LIMS1: variants seen among roughly 807,000 people sequenced by gnomAD.
The protein encoded by LIMS1 is LIM and senescent cell antigen-like-containing domain protein 1.
A neutral mutation model predicts 44.1 loss-of-function variants in LIMS1; 18 were observed. The ratio of observed to expected loss-of-function variants is 0.41; its 90% CI spans 0.28 to 0.61. LIMS1 has a LOEUF of 0.61. LIMS1 is among the 20% of genes least tolerant of loss of function. The pLI is 0.32. For synonymous variants in LIMS1, 93 were observed against 149.1 expected, an observed-to-expected ratio of 0.62 and a Z score of 2.74; for missense variants, 201 against 422.0, an observed-to-expected ratio of 0.48 and a Z score of 4.59.
At chr2:108,657,907 T>C (rs1440355886) in intron 1 of LIMS1, 3 of 151,890 alleles carry the variant, frequency 2.0e-5, no homozygotes, top group Admixed American at 2.0e-4. Flanking sequence ...AAAGGGAAAG[T>C]TGTCTTCCAG....
intron 1 of LIMS1, among the ~76,000 whole-genome samples, chr2:108,579,688 A>G (rs1249579400): frequency 6.6e-6 from 1 of 152,262 alleles, no homozygotes; most frequent in African/African-American, 2.4e-5. Flanking sequence ...TTTGTTTGAC[A>G]GTATTCACAG....
At chr2:108,576,496 G>T (rs747777780) in intron 1 of LIMS1, among the ~76,000 whole-genome samples, 25 of 152,144 alleles carry the variant, frequency 1.6e-4, no homozygotes, top group Non-Finnish European at 2.9e-4. Context: ...TGCCTCCCGG[G>T]TTCAAGCGAT....
At chr2:108,604,021 T>G (rs999972017) in intron 1 of LIMS1, among the ~76,000 whole-genome samples, 3 of 152,146 alleles carry the variant, frequency 2.0e-5, no homozygotes, top group Non-Finnish European at 4.4e-5. Context: ...TAGGTTTTAG[T>G]ATGTTATGTT....
Position 108,566,295 on chromosome 2 carries a change from G to T in LIMS1, c.32+31701G>T, listed in dbSNP as rs143369836. Reference sequence around the variant, plus strand: ...AGTAAGGCTTTAATTCATGTAAGCTGCTTTGATGAGGGTGATGCATTGATG... The same window carrying T: ...AGTAAGGCTTTAATTCATGTAAGCTTCTTTGATGAGGGTGATGCATTGATG... On this transcript the variant is annotated intron_variant, in intron 1 of 9. Transcript: ENST00000544547. Among the ~76,000 whole-genome samples, 5 of 152,310 alleles carry T rather than the reference G, an allele frequency of 3.3e-5. No homozygotes were observed. In the East Asian group the frequency reaches 9.7e-4, roughly 29 times the overall value.
chr2:108,610,981 T>G (rs1480279816), intron 1 of LIMS1, among the ~76,000 whole-genome samples: 1 of 152,172 alleles, frequency 6.6e-6, no homozygotes, highest in African/African-American at 2.4e-5. Flanking sequence ...CATCATGTCT[T>G]TTTTCTATGC....
At chr2:108,649,471 C>T (rs890512119) in intron 1 of LIMS1, among the ~76,000 whole-genome samples, 3 of 152,184 alleles carry the variant, frequency 2.0e-5, no homozygotes, top group African/African-American at 4.8e-5. Context: ...AATCCCATTA[C>T]TGGGTATATA....
intron 1 of LIMS1, among the ~76,000 whole-genome samples, chr2:108,642,542 G>A (rs957579189): frequency 4.6e-5 from 7 of 151,580 alleles, no homozygotes; most frequent in East Asian, 1.9e-4. Context: ...TGTATTTTTC[G>A]TAGAGACGGG....
chr2:108,582,889 G>T (rs1045571818), intron 1 of LIMS1, among the ~76,000 whole-genome samples: 17 of 152,154 alleles, frequency 1.1e-4, no homozygotes, highest in African/African-American at 2.9e-4. Context: ...AATTTGCTTG[G>T]ACTTTATGCT....
At chr2:108,595,176 C>T (rs1472494433) in intron 1 of LIMS1, among the ~76,000 whole-genome samples, 3 of 152,168 alleles carry the variant, frequency 2.0e-5, no homozygotes, top group Non-Finnish European at 4.4e-5. Context: ...GTGGTGTTGA[C>T]TGCTAGATGC....
chr2:108,611,978 AATAT>A (rs1171045344), intron 1 of LIMS1, among the ~76,000 whole-genome samples: 18 of 145,210 alleles, frequency 1.2e-4, no homozygotes, highest in African/African-American at 4.6e-4. Context: ...ACATATATAA[AATAT>A]ATATACATAT....
At chr2:108,643,616 G>C (rs538105774) in intron 1 of LIMS1, among the ~76,000 whole-genome samples, 1 of 151,870 alleles carries the variant, frequency 6.6e-6, no homozygotes, top group Non-Finnish European at 1.5e-5. Context: ...CAGTGGTAGC[G>C]TTTGAGTTTT....
At chr2:108,539,475 C>G (rs1254134183) in intron 1 of LIMS1, among the ~76,000 whole-genome samples, 2 of 152,230 alleles carry the variant, frequency 1.3e-5, no homozygotes, top group African/African-American at 4.8e-5. Flanking sequence ...CCCTTCATGG[C>G]TCTTTGACTT....
Position 108,598,371 on chromosome 2 carries a change from C to G in LIMS1, c.33-61234C>G, listed in dbSNP as rs911776443. 3.3e-5 allele frequency among the ~76,000 whole-genome samples: 5 copies of G among 152,136 alleles called. No individual in the cohort carries two copies. In the South Asian group the frequency reaches 1.0e-3, roughly 31 times the overall value. On this transcript the variant is annotated intron_variant, in intron 1 of 9. Coordinates refer to ENST00000544547, the Ensembl canonical transcript of LIMS1. ...AGACTTTTTGTTGTTGTTGACATAG[C>G]TTTAATAAAATTAACATAAACTGTG...
chr2:108,643,087 G>A (rs1689819246), intron 1 of LIMS1, among the ~76,000 whole-genome samples: 1 of 152,184 alleles, frequency 6.6e-6, no homozygotes, highest in Admixed American at 6.5e-5. Context: ...CTCTGCTCTG[G>A]GTGGATTTAA....
Position 108,595,491 on chromosome 2 carries a change from T to G in LIMS1, c.32+60897T>G, listed in dbSNP as rs577334738. ...TTATAATATTCAGTCATTTCTTCCA[T>G]GCTTTCTTACTTTAAAAAATGTTCT... On this transcript the variant is annotated intron_variant, in intron 1 of 9. Transcript: ENST00000544547. Among the ~76,000 whole-genome samples, 54 of 152,352 alleles carry G rather than the reference T, an allele frequency of 3.5e-4. 1 individual carries two copies. The highest frequency in any genetic ancestry group is 6.8e-3 in the Middle Eastern group (2 of 294).
chr2:108,595,625 T>A (rs1271429129), intron 1 of LIMS1, among the ~76,000 whole-genome samples: 1 of 151,964 alleles, frequency 6.6e-6, no homozygotes, highest in African/African-American at 2.4e-5. Flanking sequence ...GTTTATTTTG[T>A]TGTTGTTGTT....
intron 1 of LIMS1, among the ~76,000 whole-genome samples, chr2:108,544,502 T>A (rs1392245332): frequency 6.6e-6 from 1 of 152,162 alleles, no homozygotes; most frequent in Non-Finnish European, 1.5e-5. Context: ...ATTATTTTAT[T>A]TATTTATTTT....
Position 108,608,599 on chromosome 2 carries a change from C to T in LIMS1, c.33-51006C>T, listed in dbSNP as rs530252788. ...AATTACAGGCGTGAGCCACCGCGCC[C>T]GGCCCACTCACATTTTTAAAACATT... On this transcript the variant is annotated intron_variant, in intron 1 of 9. Coordinates refer to ENST00000544547, the Ensembl canonical transcript of LIMS1. Among the ~76,000 whole-genome samples, 96 of 152,292 alleles carry T rather than the reference C, an allele frequency of 6.3e-4. No individual in the cohort carries two copies. In the South Asian group the frequency reaches 8.5e-3, roughly 13 times the overall value.
At chr2:108,591,187 G>T (rs1367900672) in intron 1 of LIMS1, among the ~76,000 whole-genome samples, 1 of 152,184 alleles carries the variant, frequency 6.6e-6, no homozygotes, top group Non-Finnish European at 1.5e-5. Flanking sequence ...GTGTCAGTGG[G>T]TCTTTCATTC....
Sources: allele counts gnomAD v4.1 joint callset (sites outside exome capture counted in the v4.1 genomes callset), GRCh38; gene constraint gnomAD v4.1.1; transcripts MANE v1.5; gene names NCBI Gene and HGNC (gene_info 2026-07-23, HGNC 2026-07-21).